Variants in TNRC6C observed in about 807,000 individuals in gnomAD.
TNRC6C encodes trinucleotide repeat-containing gene 6C protein.
Under a neutral mutation model 153.7 loss-of-function variants are expected in TNRC6C, and 20 were observed. The ratio of observed to expected loss-of-function variants is 0.13; its 90% CI spans 0.09 to 0.19. The LOEUF (loss-of-function observed/expected upper bound fraction) is 0.19, where lower values mean the gene tolerates loss of function less well. TNRC6C is among the 10% of genes least tolerant of loss of function. TNRC6C has a pLI of 1.00. For synonymous variants in TNRC6C, 811 were observed against 841.4 expected (o/e 0.96, Z 0.63); for missense variants, 1,987 against 2,172.0 (o/e 0.91, Z 1.69).
intron 1 of TNRC6C, among the ~76,000 whole-genome samples, chr17:77,985,610 A>AAAAAAAAAAAAAAAAAAAC (rs1567901526): frequency 6.6e-6 from 1 of 151,924 alleles, no homozygotes; most frequent in African/African-American, 2.4e-5. Flanking sequence ...TCAAAAAAAA[A>AAAAAAAAAAAAAAAAAAAC]AAAAAACCAG....
chr17:78,023,585 G>GCT (rs1229531459), intron 1 of TNRC6C, among the ~76,000 whole-genome samples: 2 of 150,554 alleles, frequency 1.3e-5, no homozygotes, highest in Non-Finnish European at 3.0e-5. Context: ...TGGATAGACT[G>GCT]CTTGAGTCCA....
At chr17:78,093,439 C>T (rs896067322) in intron 15 of TNRC6C, 181 bp from the exon 18 acceptor site, 41 of 778,732 alleles carry the variant, frequency 5.3e-5, no homozygotes, top group Non-Finnish European at 3.0e-5. Flanking sequence ...AGCTGTGATA[C>T]CTGGTTCTAG....
In TNRC6C at chr17:78,107,835, T is replaced by C. The variant is rs544214204; in HGVS notation, c.*2990T>C. ...CCACTCACTTTTGCCTAGGGTCCAG[T>C]TGGGGCTTAAAAAATATTTGGAGAG... On this transcript the variant is annotated 3_prime_UTR_variant, in exon 20 of 20. Coordinates refer to ENST00000301624, the Ensembl canonical transcript of TNRC6C. The C allele has an allele frequency of 3.3e-5, 5 of 152,320 alleles. No homozygotes were observed. In the East Asian group the frequency reaches 9.6e-4, roughly 29 times the overall value. The allele number at this position is 152,320 out of a possible 1,614,324, so 9.4% of individuals were successfully genotyped here.
At chr17:78,038,433 GGAGGCC>G (rs988983958) in intron 2 of TNRC6C, among the ~76,000 whole-genome samples, 1 of 152,040 alleles carries the variant, frequency 6.6e-6, no homozygotes, top group African/African-American at 2.4e-5. Flanking sequence ...CAGCACTTTG[GGAGGCC>G]GAGGCAGGTG....
chr17:77,968,764 A>C (rs564706413), intron 1 of TNRC6C, among the ~76,000 whole-genome samples: 1 of 152,362 alleles, frequency 6.6e-6, no homozygotes, highest in Admixed American at 6.5e-5. Context: ...GTGATTTTCC[A>C]ACTAAATCTT....
intron 1 of TNRC6C, among the ~76,000 whole-genome samples, chr17:77,975,662 C>G (rs2070987831): frequency 1.3e-5 from 2 of 152,018 alleles, no homozygotes; most frequent in African/African-American, 2.4e-5. Context: ...GATTATGAGG[C>G]TTTGGGACAT....
chr17:78,038,949 G>A (rs2072236230), intron 2 of TNRC6C, among the ~76,000 whole-genome samples: 1 of 151,992 alleles, frequency 6.6e-6, no homozygotes, highest in South Asian at 2.1e-4. Context: ...CTGGTGTGCT[G>A]TTGGTCGGAA....
intron 1 of TNRC6C, among the ~76,000 whole-genome samples, chr17:78,030,570 GTCATATAT>G (rs1390488148): frequency 1.3e-5 from 2 of 152,108 alleles, no homozygotes; most frequent in Non-Finnish European, 2.9e-5. Flanking sequence ...CGGAACCACT[GTCATATAT>G]GAGTCAGTTG....
chr17:78,096,806 C>T (rs1386949661), intron 16 of TNRC6C, among the ~76,000 whole-genome samples: 1 of 152,228 alleles, frequency 6.6e-6, no homozygotes, highest in Non-Finnish European at 1.5e-5. Flanking sequence ...TCTTCTCCAG[C>T]TTCTTGCTTT....
chr17:78,055,729 G>C (rs1014341163), intron 3 of TNRC6C, among the ~76,000 whole-genome samples: 10 of 152,276 alleles, frequency 6.6e-5, no homozygotes, highest in Middle Eastern at 3.4e-3. Context: ...CACTGGAGTC[G>C]TGCAATAAAT....
At chr17:78,027,067 C>T (rs577241021) in intron 1 of TNRC6C, among the ~76,000 whole-genome samples, 1 of 152,218 alleles carries the variant, frequency 6.6e-6, no homozygotes, top group East Asian at 1.9e-4. Context: ...AACAGGAAAC[C>T]TGCCAAGGGG....
At chr17:78,092,269 T>C (rs1478217347) in intron 14 of TNRC6C, among the ~76,000 whole-genome samples, 2 of 152,252 alleles carry the variant, frequency 1.3e-5, no homozygotes, top group African/African-American at 4.8e-5. Context: ...CATGGTTAAC[T>C]TACGGAAAAT....
chr17:77,988,348 G>T (rs1474682359), intron 1 of TNRC6C, among the ~76,000 whole-genome samples: 1 of 152,044 alleles, frequency 6.6e-6, no homozygotes. Flanking sequence ...CTCCAGCCTG[G>T]GTGGCAGAGT....
At chr17:78,016,465 C>T (rs1029290306) in intron 1 of TNRC6C, among the ~76,000 whole-genome samples, 3 of 152,206 alleles carry the variant, frequency 2.0e-5, no homozygotes, top group African/African-American at 7.2e-5. Context: ...GTGGGAGAGA[C>T]CATTTTAACT....
chr17:77,976,001 A>G (rs2070992479), intron 1 of TNRC6C, among the ~76,000 whole-genome samples: 1 of 152,210 alleles, frequency 6.6e-6, no homozygotes, highest in South Asian at 2.1e-4. Context: ...CTTATTAGCT[A>G]GGTGACTTTG....
chr17:78,093,588 T>C (rs1234974196), intron 15 of TNRC6C, 32 bp from the exon 18 acceptor site: 3 of 1,612,692 alleles, frequency 1.9e-6, no homozygotes, highest in African/African-American at 2.7e-5. Flanking sequence ...GGTGTTCTGA[T>C]CTGTGGCTTC....
chr17:78,070,248 C>G (rs2072965876), intron 5 of TNRC6C, among the ~76,000 whole-genome samples: 1 of 152,150 alleles, frequency 6.6e-6, no homozygotes. Flanking sequence ...TAATCTGGCT[C>G]TGGCAGCATA....
chr17:78,042,985 C>T (rs747405087), intron 2 of TNRC6C, among the ~76,000 whole-genome samples: 3 of 152,000 alleles, frequency 2.0e-5, no homozygotes, highest in Non-Finnish European at 2.9e-5. Flanking sequence ...GCCTACCCTT[C>T]AAAAAAGAGC....
intron 2 of TNRC6C, among the ~76,000 whole-genome samples, chr17:78,036,878 C>G (rs948116265): frequency 8.0e-5 from 12 of 150,834 alleles, no homozygotes; most frequent in Admixed American, 2.6e-4. Context: ...GAGCTGAGAT[C>G]ACACCACTGC....
Sources: allele counts gnomAD v4.1 joint callset (sites outside exome capture counted in the v4.1 genomes callset), GRCh38; gene constraint gnomAD v4.1.1; transcripts MANE v1.5; gene names NCBI Gene and HGNC (gene_info 2026-07-23, HGNC 2026-07-21).